PDE11A: variants seen among roughly 807,000 people sequenced by gnomAD.
PDE11A encodes phosphodiesterase 11A, also known as dual 3',5'-cyclic-AMP and -GMP phosphodiesterase 11A.
Under a neutral mutation model 100.5 loss-of-function variants are expected in PDE11A, and 100 were observed. That is an observed-to-expected ratio of 1.00 (90% CI 0.85 to 1.18). The LOEUF is 1.18. PDE11A is among the 50% of genes most tolerant of loss of function. PDE11A has a pLI of 0.00. For missense variants in PDE11A, 1,141 were observed against 1,152.6 expected (o/e 0.99, Z 0.15); for synonymous variants, 381 against 420.8 (o/e 0.91, Z 1.16).
At chr2:178,021,906 T>C (rs1260907407) in intron 1 of PDE11A, among the ~76,000 whole-genome samples, 8 of 152,148 alleles carry the variant, frequency 5.3e-5, no homozygotes, top group Non-Finnish European at 1.2e-4. Context: ...AAGTTGAAGA[T>C]GGCTCTTGTG....
chr2:177,655,124 C>T (rs1255880810), intron 19 of PDE11A, among the ~76,000 whole-genome samples: 1 of 151,988 alleles, frequency 6.6e-6, no homozygotes, highest in South Asian at 2.1e-4. Flanking sequence ...TCCTCAAAAA[C>T]CTTATTGTGG....
chr2:178,007,749 G>A (rs997949160), intron 2 of PDE11A, among the ~76,000 whole-genome samples: 10 of 151,690 alleles, frequency 6.6e-5, no homozygotes, highest in Non-Finnish European at 5.9e-5. Context: ...CTGTCACCCC[G>A]GCTGGAGTGC....
Position 177,669,503 on chromosome 2 carries a change from A to G in PDE11A, c.2552T>C (p.Leu851Pro), listed in dbSNP as rs1364814889. The change falls in exon 18 of 20, where the codon CTC (leucine) becomes CCC (proline). Residue 851 changes from leucine to proline, a missense_variant. Leu to Pro is a moderately conservative substitution (Grantham distance 98). Coordinates refer to ENST00000286063, the MANE Select transcript of PDE11A (RefSeq NM_016953.4). ...QGDRERLELK[L>P]TPSAIFDRNR... ...AAAGGATGAACTCACTGAAGGAGTG[A>G]GTTTGAGCTCTAATCTCTCCCGATC... 2 of 1,313,636 alleles carry G rather than the reference A, an allele frequency of 1.5e-6. No individual in the cohort carries two copies. The highest frequency in any genetic ancestry group is 3.6e-4 in the Middle Eastern group (2 of 5,482). 81.4% of individuals were successfully genotyped at this position (1,313,636 alleles called of 1,614,324 possible).
chr2:177,923,594 C>T (rs1574282214), intron 2 of PDE11A, among the ~76,000 whole-genome samples: 1 of 152,180 alleles, frequency 6.6e-6, no homozygotes, highest in East Asian at 1.9e-4. Context: ...TTAGCCAGAA[C>T]TTAGCCATAT....
rs2084640058 is a variant in PDE11A, at chr2:177,898,177, C to A, written c.1183G>T (p.Asp395Tyr). 1 of 1,607,734 alleles carries A rather than the reference C, an allele frequency of 6.2e-7. No individual in the cohort carries two copies. Among genetic ancestry groups the A allele is most frequent in the South Asian group, 1.1e-5 (1 of 90,966 alleles). ...AGGTCAGTCTGTTCTTCAAAGAGGT[C>A]ATTAACCACCTCTAGCAAAGCCTAG... ...RSRALLEVVN[D>Y]LFEEQTDLEK... Residue 395 changes from aspartate to tyrosine, a missense_variant, in exon 4 of 20, where the codon GAC becomes TAC. Asp to Tyr is a radical substitution (Grantham distance 160, BLOSUM62 -3). Transcript: ENST00000286063.
intron 13 of PDE11A, among the ~76,000 whole-genome samples, chr2:177,703,221 C>T (rs2081226763): frequency 6.6e-6 from 1 of 151,976 alleles, no homozygotes; most frequent in Admixed American, 6.6e-5. Flanking sequence ...ATAAAGCTAC[C>T]ATTAGTATCT....
chr2:177,863,165 C>T (rs959277020), intron 5 of PDE11A, among the ~76,000 whole-genome samples: 1 of 151,830 alleles, frequency 6.6e-6, no homozygotes, highest in Non-Finnish European at 1.5e-5. Flanking sequence ...TATCTTACAC[C>T]ATACACAAAA....
intron 1 of PDE11A, among the ~76,000 whole-genome samples, chr2:178,020,928 T>G (rs398041469): frequency 5.3e-3 from 46 of 8,760 alleles, no homozygotes; most frequent in South Asian, 0.013. Flanking sequence ...TGTCTTGGTG[T>G]GTGTGTGTGT....
chr2:177,862,521 A>G (rs562546313), intron 5 of PDE11A, among the ~76,000 whole-genome samples: 13 of 152,002 alleles, frequency 8.6e-5, no homozygotes, highest in African/African-American at 2.9e-4. Context: ...ACATACAAAA[A>G]TCAGTAGCAT....
chr2:177,701,536 A>G (rs527301503), intron 13 of PDE11A, among the ~76,000 whole-genome samples: 1 of 152,226 alleles, frequency 6.6e-6, no homozygotes, highest in Non-Finnish European at 1.5e-5. Context: ...AATAATGCAC[A>G]TAAAAACAAT....
At chr2:177,947,149 G>A (rs865995404) in intron 2 of PDE11A, among the ~76,000 whole-genome samples, 1 of 5,128 alleles carries the variant, frequency 2.0e-4, no homozygotes, top group African/African-American at 2.1e-4. Flanking sequence ...GAGGTGGGGG[G>A]GTCAGCCCCC....
intron 1 of PDE11A, among the ~76,000 whole-genome samples, chr2:178,037,951 A>G (rs185959635): frequency 1.3e-5 from 2 of 152,224 alleles, no homozygotes; most frequent in East Asian, 3.9e-4. Flanking sequence ...TGACGGGTTG[A>G]TAGGTGCAGC....
Position 177,997,296 on chromosome 2 carries a change from TG to T in PDE11A, c.1071+17005del, listed in dbSNP as rs2086087833. ...TCATAATTAAAGTTGCCCAAATTGCTGCTATATTTCTCACTGGGAGGATTAT... is the reference window on the plus strand; with the variant it reads ...TCATAATTAAAGTTGCCCAAATTGCTCTATATTTCTCACTGGGAGGATTAT... On this transcript the variant is annotated intron_variant, in intron 2 of 19. Coordinates refer to ENST00000286063, the MANE Select transcript of PDE11A (RefSeq NM_016953.4). 4.9e-6 allele frequency: 5 copies of T among 1,012,698 alleles called. No homozygotes were observed. The East Asian group carries it at 1.2e-4, about 24-fold the overall frequency. 62.7% of individuals were successfully genotyped at this position (1,012,698 alleles called of 1,614,324 possible).
At chr2:177,647,579 G>A (rs1472089028) in intron 19 of PDE11A, among the ~76,000 whole-genome samples, 8 of 152,144 alleles carry the variant, frequency 5.3e-5, no homozygotes, top group Admixed American at 5.2e-4. Context: ...TGACTACTGA[G>A]CATTTCTTGC....
In PDE11A at chr2:178,012,985, T is replaced by A. The variant is rs372626433; in HGVS notation, c.1071+1317A>T. On this transcript the variant is annotated intron_variant, in intron 2 of 19. Coordinates refer to ENST00000286063, the MANE Select transcript of PDE11A (RefSeq NM_016953.4). ...CTTTATCTTACATTCCATGGAAATA[T>A]CTTTATTGGAATAAAGTGGCCTACA... Among the ~76,000 whole-genome samples, 39 of 152,314 alleles carry A rather than the reference T, an allele frequency of 2.6e-4. 1 individual carries two copies. The highest frequency in any genetic ancestry group is 8.4e-4 in the African/African-American group (35 of 41,590).
At chr2:177,671,280 G>C (rs1048046665) in intron 17 of PDE11A, among the ~76,000 whole-genome samples, 3 of 151,314 alleles carry the variant, frequency 2.0e-5, no homozygotes, top group Non-Finnish European at 2.9e-5. Context: ...TCCTTTCACA[G>C]CTTAACTTGC....
intron 2 of PDE11A, among the ~76,000 whole-genome samples, chr2:177,944,860 A>G (rs1574297373): frequency 2.1e-5 from 2 of 93,352 alleles, no homozygotes; most frequent in South Asian, 8.8e-4. Context: ...CCCTCTCCCC[A>G]CGGTCTCCCT....
upstream of PDE11A, among the ~76,000 whole-genome samples, chr2:178,075,679 C>G (rs2087199320): frequency 6.6e-6 from 1 of 151,100 alleles, no homozygotes; most frequent in Admixed American, 6.6e-5. Context: ...CAACCAGATA[C>G]AAGCTAGAAG....
intron 2 of PDE11A, among the ~76,000 whole-genome samples, chr2:178,086,746 G>A (rs1377532881): frequency 1.3e-5 from 2 of 152,190 alleles, no homozygotes; most frequent in African/African-American, 4.8e-5. Context: ...ATAGACAACA[G>A]TCGTTAAAAG....
Sources: gnomAD v4.1 joint callset for allele counts (sites outside exome capture counted in the v4.1 genomes callset) on GRCh38, gnomAD v4.1.1 for gene constraint, MANE v1.5 for transcripts, NCBI Gene and HGNC (gene_info 2026-07-23, HGNC 2026-07-21) for gene names.